The following MKLN1 variants were observed in gnomAD, a reference collection of about 807,000 sequenced individuals.
MKLN1 encodes the protein muskelin 1.
In MKLN1, 18 loss-of-function variants were observed where a neutral mutation model predicts 99.0. The ratio of observed to expected loss-of-function variants is 0.18; its 90% CI spans 0.13 to 0.27. MKLN1 has a LOEUF of 0.27. Ranked by LOEUF, MKLN1 falls within the 10% of genes least tolerant of loss-of-function variation. The pLI, the probability that MKLN1 is intolerant of heterozygous loss-of-function variation, is 1.00. For missense variants in MKLN1, 621 were observed against 875.9 expected, an observed-to-expected ratio of 0.71 and a Z score of 3.67; for synonymous variants, 288 against 293.2, an observed-to-expected ratio of 0.98 and a Z score of 0.18.
intron 1 of MKLN1, among the ~76,000 whole-genome samples, chr7:131,349,990 T>G (rs901442217): frequency 2.3e-5 from 3 of 131,576 alleles, no homozygotes; most frequent in African/African-American, 8.2e-5. Flanking sequence ...TGCTTGGTAG[T>G]GATAAGTTGA....
chr7:131,378,866 G>A (rs1174325984), intron 2 of MKLN1, among the ~76,000 whole-genome samples: 3 of 150,068 alleles, frequency 2.0e-5, no homozygotes, highest in Non-Finnish European at 3.0e-5. Context: ...GCACACACAC[G>A]CACGCAAAGC....
At chr7:131,211,045 A>G (rs551855771) in intron 3 of MKLN1, among the ~76,000 whole-genome samples, 2 of 152,042 alleles carry the variant, frequency 1.3e-5, no homozygotes, top group East Asian at 2.0e-4. Flanking sequence ...CTTCTTACCT[A>G]TATGACACAG....
At chr7:131,255,930 G>C (rs1431380899) in intron 3 of MKLN1, among the ~76,000 whole-genome samples, 1 of 132,138 alleles carries the variant, frequency 7.6e-6, no homozygotes, top group African/African-American at 2.8e-5. Flanking sequence ...TTTGGAGATG[G>C]AGTCTCGCTC....
intron 3 of MKLN1, among the ~76,000 whole-genome samples, chr7:131,266,173 CAAAA>C (rs35332093): frequency 3.5e-5 from 3 of 86,572 alleles, no homozygotes; most frequent in Admixed American, 3.0e-4. Context: ...GACTGCATCT[CAAAA>C]AAAAAAAAAA....
chr7:131,429,131 G>A lies in MKLN1; in HGVS notation c.946G>A (p.Asp316Asn). ...GAACCAGTGGACATGTATCTCTAGA[G>A]ACACTGAAAAAGAGGCAAGTTCTCA... ...KENQWTCISR[D>N]TEKENGPSAR... The change falls in exon 9 of 18, where the codon GAC (aspartate) becomes AAC (asparagine). Residue 316 changes from aspartate (D) to asparagine (N), a missense_variant. Asp to Asn is a conservative substitution (Grantham distance 23, BLOSUM62 1). Coordinates refer to ENST00000352689, the MANE Select transcript of MKLN1 (RefSeq NM_013255.5). 6.2e-7 allele frequency: 1 copy of A among 1,612,158 alleles called. No homozygotes were observed. Among genetic ancestry groups the A allele is most frequent in the Non-Finnish European group, 8.5e-7 (1 of 1,178,656 alleles).
intron 1 of MKLN1, among the ~76,000 whole-genome samples, chr7:131,142,591 TGGGCGTGTAGGC>T: frequency 6.6e-6 from 1 of 150,876 alleles, no homozygotes; most frequent in East Asian, 2.0e-4. Flanking sequence ...AAAAATTAGC[TGGGCGTGTAGGC>T]GGGCGCCTGT....
chr7:131,163,926 G>A (rs1047000431), intron 2 of MKLN1, among the ~76,000 whole-genome samples: 19 of 152,210 alleles, frequency 1.2e-4, no homozygotes, highest in African/African-American at 4.6e-4. Flanking sequence ...AGGATGCCCA[G>A]TTTAGAACAG....
chr7:131,179,541 GT>G (rs1189251068), intron 2 of MKLN1, among the ~76,000 whole-genome samples: 1 of 149,718 alleles, frequency 6.7e-6, no homozygotes, highest in East Asian at 1.9e-4. Flanking sequence ...CATTGCATTT[GT>G]TTTTTAAAAG....
chr7:131,115,877 G>A (rs186170660), intron 1 of MKLN1, among the ~76,000 whole-genome samples: 76 of 151,994 alleles, frequency 5.0e-4, no homozygotes, highest in African/African-American at 1.8e-3. Flanking sequence ...CTCTCTCCAC[G>A]TTTCCAACCA....
intron 2 of MKLN1, among the ~76,000 whole-genome samples, chr7:131,161,967 A>G (rs1257778380): frequency 0.023 from 262 of 11,196 alleles, 1 homozygote; most frequent in East Asian, 0.064. Context: ...GTGTGTGTAT[A>G]TATATATATA....
At chr7:131,130,654 T>C (rs901297719) in intron 1 of MKLN1, among the ~76,000 whole-genome samples, 2 of 152,250 alleles carry the variant, frequency 1.3e-5, no homozygotes, top group African/African-American at 4.8e-5. Flanking sequence ...TGGTGAATAA[T>C]ATAATGGACC....
chr7:131,333,630 G>A (rs866088958), intron 1 of MKLN1, among the ~76,000 whole-genome samples: 6 of 151,788 alleles, frequency 4.0e-5, no homozygotes, highest in Non-Finnish European at 7.4e-5. Context: ...TCTGCCTCCC[G>A]GGTCCAAGCG....
At chr7:131,123,141 A>G (rs1795402138) in intron 1 of MKLN1, among the ~76,000 whole-genome samples, 1 of 152,208 alleles carries the variant, frequency 6.6e-6, no homozygotes. Flanking sequence ...ACATAATAAA[A>G]GAGAGTGTCC....
At chr7:131,438,585 A>G (rs1448089482) in intron 10 of MKLN1, among the ~76,000 whole-genome samples, 2 of 151,482 alleles carry the variant, frequency 1.3e-5, no homozygotes, top group Non-Finnish European at 2.9e-5. Context: ...TGTAGCTCTC[A>G]TTAGCCCCAT....
At chr7:131,374,404 G>C (rs565526512) in intron 1 of MKLN1, among the ~76,000 whole-genome samples, 2 of 151,924 alleles carry the variant, frequency 1.3e-5, no homozygotes, top group Non-Finnish European at 2.9e-5. Flanking sequence ...ATTATATTAC[G>C]GTAAACACAA....
intron 3 of MKLN1, among the ~76,000 whole-genome samples, chr7:131,237,365 G>GA (rs1797339537): frequency 6.6e-6 from 1 of 152,034 alleles, no homozygotes; most frequent in Non-Finnish European, 1.5e-5. Context: ...TTAGAAGGCA[G>GA]AAAAAAGATC....
chr7:131,275,105 C>T (rs1036564295), intron 3 of MKLN1, among the ~76,000 whole-genome samples: 1 of 152,070 alleles, frequency 6.6e-6, no homozygotes, highest in African/African-American at 2.4e-5. Flanking sequence ...GGCTTATAAA[C>T]AACAGAAATT....
chr7:131,493,937 G>A lies in MKLN1; in HGVS notation c.*6209G>A, dbSNP rs1418167502. Reference sequence around the variant, plus strand: ...TGTGTGATATACTGAACAAGCCTGTGTGCATGAATAAGGAGCCACTCAAAA... The same window carrying A: ...TGTGTGATATACTGAACAAGCCTGTATGCATGAATAAGGAGCCACTCAAAA... On this transcript the variant is annotated 3_prime_UTR_variant, in exon 18 of 18. Transcript: ENST00000352689. 6.6e-6 allele frequency: 1 copy of A among 152,172 alleles called. No individual in the cohort carries two copies. Among genetic ancestry groups the A allele is most frequent in the Non-Finnish European group, 1.5e-5 (1 of 68,020 alleles). 9.4% of individuals were successfully genotyped at this position (152,172 alleles called of 1,614,324 possible). A position where few individuals can be genotyped will look rare whatever the true frequency, so the allele number is the denominator to read the frequency against.
At chr7:131,403,593 T>G (rs1794616740) in intron 6 of MKLN1, among the ~76,000 whole-genome samples, 3 of 152,298 alleles carry the variant, frequency 2.0e-5, no homozygotes, top group South Asian at 4.1e-4. Context: ...TATTTCTAGT[T>G]TTTTTATTTA....
Sources: gnomAD v4.1 joint callset for allele counts (sites outside exome capture counted in the v4.1 genomes callset) on GRCh38, gnomAD v4.1.1 for gene constraint, MANE v1.5 for transcripts, NCBI Gene and HGNC (gene_info 2026-07-23, HGNC 2026-07-21) for gene names.